The following FNDC3B variants were observed in gnomAD, a reference collection of about 807,000 sequenced individuals.
The protein encoded by FNDC3B is fibronectin type III domain containing 3B.
In FNDC3B, 12 loss-of-function variants were observed where a neutral mutation model predicts 151.5. The observed-to-expected ratio is 0.08, with a 90% confidence interval of 0.05 to 0.13. The LOEUF (loss-of-function observed/expected upper bound fraction) is 0.13, where lower values mean the gene tolerates loss of function less well. Among genes scored for constraint, FNDC3B ranks in the 10% least tolerant of loss-of-function variants. The pLI, the probability that FNDC3B is intolerant of heterozygous loss-of-function variation, is 1.00. For missense variants in FNDC3B, 1,214 were observed against 1,505.3 expected (o/e 0.81, Z 3.20); for synonymous variants, 528 against 549.0 (o/e 0.96, Z 0.54).
intron 6 of FNDC3B, among the ~76,000 whole-genome samples, chr3:172,271,931 T>C (rs1729220065): frequency 6.6e-6 from 1 of 152,224 alleles, no homozygotes; most frequent in Admixed American, 6.5e-5. Context: ...AGAGAAAACC[T>C]GGATTATGTA....
Position 172,247,730 on chromosome 3 carries a change from G to A in FNDC3B, c.462G>A (p.Gln154=), listed in dbSNP as rs1365879522. 2.5e-6 allele frequency: 4 copies of A among 1,613,966 alleles called. No individual in the cohort carries two copies. The African/African-American group carries it at 5.3e-5, about 22-fold the overall frequency. ...PVTGPGDMPP[Q]FFPQHHLPHT... ...CCGGACCTGGAGATATGCCGCCTCAGTTTTTTCCCCAGCATCATCTTCCCC... is the reference window on the plus strand; with the variant it reads ...CCGGACCTGGAGATATGCCGCCTCAATTTTTTCCCCAGCATCATCTTCCCC... The change falls in exon 5 of 26, where the codon CAG becomes CAA. Residue 154 remains glutamine, a synonymous_variant. Coordinates refer to ENST00000415807, the MANE Select transcript of FNDC3B (RefSeq NM_022763.4).
chr3:172,375,431 T>C (rs1735082184), intron 23 of FNDC3B, among the ~76,000 whole-genome samples: 1 of 152,182 alleles, frequency 6.6e-6, no homozygotes, highest in Non-Finnish European at 1.5e-5. Flanking sequence ...ATGTCTCCCC[T>C]TCCCACCTTA....
At chr3:172,050,693 A>G (rs1052417615) in intron 1 of FNDC3B, among the ~76,000 whole-genome samples, 2 of 131,122 alleles carry the variant, frequency 1.5e-5, no homozygotes, top group Non-Finnish European at 3.2e-5. Flanking sequence ...CTTTGTGGGT[A>G]TATTTTCGTG....
At chr3:172,333,967 A>G (rs1732820760) in intron 14 of FNDC3B, among the ~76,000 whole-genome samples, 1 of 151,800 alleles carries the variant, frequency 6.6e-6, no homozygotes, top group Admixed American at 6.6e-5. Context: ...TGTAGTAGCC[A>G]AAAAAGTGAA....
intron 6 of FNDC3B, among the ~76,000 whole-genome samples, chr3:172,267,593 C>T (rs1260317420): frequency 1.3e-5 from 2 of 152,154 alleles, no homozygotes; most frequent in Non-Finnish European, 2.9e-5. Flanking sequence ...ATTTTCAGGG[C>T]ATATTTAATA....
chr3:172,299,866 C>T (rs904737219), intron 9 of FNDC3B, among the ~76,000 whole-genome samples: 16 of 152,072 alleles, frequency 1.1e-4, no homozygotes, highest in African/African-American at 2.2e-4. Flanking sequence ...TCACATAGAA[C>T]GCTCTGCCAT....
chr3:172,294,071 A>T (rs1035416364), intron 7 of FNDC3B, among the ~76,000 whole-genome samples: 1 of 152,246 alleles, frequency 6.6e-6, no homozygotes, highest in Non-Finnish European at 1.5e-5. Flanking sequence ...GCCTTTAGAC[A>T]GTTACAGCGT....
At chr3:172,048,880 A>G (rs1288382951) in intron 1 of FNDC3B, among the ~76,000 whole-genome samples, 1 of 152,214 alleles carries the variant, frequency 6.6e-6, no homozygotes, top group Non-Finnish European at 1.5e-5. Context: ...TATTGTATAT[A>G]TCCACTTGCA....
chr3:172,303,902 A>G (rs1222563687), intron 9 of FNDC3B, among the ~76,000 whole-genome samples: 1 of 152,212 alleles, frequency 6.6e-6, no homozygotes, highest in Non-Finnish European at 1.5e-5. Context: ...TGTGGTGCCA[A>G]TTTTTGTACT....
At chr3:172,119,229 T>G (rs2108551272) in intron 2 of FNDC3B, among the ~76,000 whole-genome samples, 1 of 146,430 alleles carries the variant, frequency 6.8e-6, no homozygotes. Context: ...AATTTAGGAG[T>G]GACTGAATAA....
intron 3 of FNDC3B, among the ~76,000 whole-genome samples, chr3:172,148,061 T>C (rs1722009440): frequency 6.6e-6 from 1 of 152,150 alleles, no homozygotes; most frequent in South Asian, 2.1e-4. Flanking sequence ...TTTGTAGTCT[T>C]TCAGTTTCCA....
chr3:172,260,699 G>A (rs1307882522), intron 6 of FNDC3B, among the ~76,000 whole-genome samples: 3 of 152,114 alleles, frequency 2.0e-5, no homozygotes, highest in African/African-American at 7.2e-5. Flanking sequence ...TTGAGATAGG[G>A]GAGAGTTCAG....
intron 21 of FNDC3B, among the ~76,000 whole-genome samples, chr3:172,349,656 CT>C (rs532912669): frequency 6.6e-6 from 1 of 151,658 alleles, no homozygotes; most frequent in African/African-American, 2.4e-5. Flanking sequence ...TTTTTCTTTT[CT>C]TTTTTTTCTT....
intron 3 of FNDC3B, among the ~76,000 whole-genome samples, chr3:172,173,157 G>A (rs1292650836): frequency 6.6e-6 from 1 of 152,144 alleles, no homozygotes; most frequent in Admixed American, 6.5e-5. Context: ...GCGAAACGAT[G>A]GCAGAATATG....
At chr3:172,162,971 A>G (rs984913207) in intron 3 of FNDC3B, among the ~76,000 whole-genome samples, 2 of 152,158 alleles carry the variant, frequency 1.3e-5, no homozygotes, top group Non-Finnish European at 2.9e-5. Flanking sequence ...CATAAAATAT[A>G]TGTATAAGGA....
At chr3:172,383,734 TAAGAA>T (rs1199337017) in intron 25 of FNDC3B, among the ~76,000 whole-genome samples, 1 of 152,208 alleles carries the variant, frequency 6.6e-6, no homozygotes, top group African/African-American at 2.4e-5. Flanking sequence ...TATAGCCAGA[TAAGAA>T]ATTAGTTTTA....
intron 3 of FNDC3B, among the ~76,000 whole-genome samples, chr3:172,213,837 G>T (rs1273465049): frequency 6.6e-6 from 1 of 152,156 alleles, no homozygotes; most frequent in East Asian, 1.9e-4. Flanking sequence ...TCAGTTAGGA[G>T]ACCTTTCTGG....
intron 3 of FNDC3B, among the ~76,000 whole-genome samples, chr3:172,198,344 T>C: frequency 6.6e-6 from 1 of 152,210 alleles, no homozygotes; most frequent in East Asian, 1.9e-4. Flanking sequence ...TGGAGAATAC[T>C]TGAATGTATG....
At position 172,331,507 on chromosome 3, in the gene FNDC3B, G is replaced by A. The variant is rs111595823; in HGVS notation, c.1554+792G>A. Among the ~76,000 whole-genome samples the A allele has an allele frequency of 4.6e-3, 700 of 152,132 alleles. 2 individuals are homozygous for A. The highest frequency in any genetic ancestry group is 0.013 in the African/African-American group (533 of 41,504). ...CAAGTAGCTGGGACTACAGGCGCCC[G>A]CCACCACACCCGGCTAATTTTTTTT... On this transcript the variant is annotated intron_variant, in intron 13 of 25. Transcript: ENST00000415807.
Sources: allele counts gnomAD v4.1 joint callset (sites outside exome capture counted in the v4.1 genomes callset), GRCh38; gene constraint gnomAD v4.1.1; transcripts MANE v1.5; gene names NCBI Gene and HGNC (gene_info 2026-07-23, HGNC 2026-07-21).